DIS3L2: variants seen among roughly 807,000 people sequenced by gnomAD.
The protein encoded by DIS3L2 is DIS3-like exonuclease 2.
Under a neutral mutation model 97.5 loss-of-function variants are expected in DIS3L2, and 34 were observed. That is an observed-to-expected ratio of 0.35 (90% CI 0.27 to 0.46). The LOEUF (loss-of-function observed/expected upper bound fraction) is 0.46. Ranked by LOEUF, DIS3L2 falls within the 20% of genes least tolerant of loss-of-function variation. The pLI is 1.00. For synonymous variants in DIS3L2, 435 were observed against 445.2 expected (o/e 0.98, Z 0.29); for missense variants, 1,038 against 1,146.0 (o/e 0.91, Z 1.36).
intron 1 of DIS3L2, among the ~76,000 whole-genome samples, chr2:231,983,871 A>G (rs1389598102): frequency 6.6e-6 from 1 of 151,202 alleles, no homozygotes; most frequent in African/African-American, 2.4e-5. Context: ...CCTTGGCAAC[A>G]GAGTGAGACT....
chr2:232,287,398 C>CCCCCCG (rs1559193793), intron 13 of DIS3L2, among the ~76,000 whole-genome samples: 2 of 69,070 alleles, frequency 2.9e-5, no homozygotes, highest in Non-Finnish European at 5.7e-5. Context: ...GCCCCCCCCC[C>CCCCCCG]CCCCCGCTTT....
intron 14 of DIS3L2, among the ~76,000 whole-genome samples, chr2:232,316,774 G>T (rs1022280919): frequency 2.0e-5 from 3 of 152,192 alleles, no homozygotes; most frequent in African/African-American, 7.2e-5. Context: ...TTATTGAATT[G>T]TTCTTCTTTA....
At chr2:232,326,072 G>A (rs1311160352) in intron 14 of DIS3L2, among the ~76,000 whole-genome samples, 1 of 152,204 alleles carries the variant, frequency 6.6e-6, no homozygotes, top group African/African-American at 2.4e-5. Context: ...CCAGGAGAGG[G>A]AGGGAGGAGG....
At chr2:232,111,539 G>A (rs1386054162) in intron 6 of DIS3L2, among the ~76,000 whole-genome samples, 3 of 152,114 alleles carry the variant, frequency 2.0e-5, no homozygotes, top group Non-Finnish European at 4.4e-5. Flanking sequence ...ACTTTCTGTA[G>A]CAATGGAAAT....
chr2:232,245,325 T>C (rs992189264), intron 11 of DIS3L2, among the ~76,000 whole-genome samples: 2 of 152,194 alleles, frequency 1.3e-5, no homozygotes, highest in Non-Finnish European at 2.9e-5. Context: ...ATAATGGGAC[T>C]TGGATTTGAG....
intron 8 of DIS3L2, among the ~76,000 whole-genome samples, chr2:232,162,402 G>T (rs1168962230): frequency 1.3e-5 from 2 of 152,212 alleles, no homozygotes; most frequent in Non-Finnish European, 2.9e-5. Context: ...CATTCCAGTG[G>T]CAAGGCTGAA....
intron 9 of DIS3L2, 147 bp from the exon 10 acceptor site, chr2:232,210,179 C>A: frequency 1.7e-6 from 1 of 578,878 alleles, no homozygotes; most frequent in South Asian, 1.8e-5. Context: ...TCACATTTAA[C>A]TAAAGATCTC....
chr2:232,185,960 T>C (rs3116192), intron 9 of DIS3L2, among the ~76,000 whole-genome samples: 140,929 of 152,224 alleles, frequency 0.93, 65,307 homozygotes, highest in East Asian at 1. Context: ...TAGAGAAAAT[T>C]GGTGAAACAA....
At chr2:232,094,718 CA>C (rs59253625) in intron 6 of DIS3L2, among the ~76,000 whole-genome samples, 8 of 111,480 alleles carry the variant, frequency 7.2e-5, no homozygotes, top group Admixed American at 1.0e-4. Flanking sequence ...GACTCCATCT[CA>C]AAAAAAAAAA....
intron 5 of DIS3L2, 91 bp downstream of exon 5, chr2:232,030,171 C>T: frequency 9.2e-7 from 1 of 1,090,294 alleles, no homozygotes. Context: ...CTGGAGGAGT[C>T]ACAGACCCCT....
intron 9 of DIS3L2, among the ~76,000 whole-genome samples, chr2:232,168,699 T>C (rs1690895584): frequency 6.6e-6 from 1 of 152,082 alleles, no homozygotes; most frequent in African/African-American, 2.4e-5. Flanking sequence ...GACCCACACA[T>C]AGTGAGGGTG....
rs1696697025 is a variant in DIS3L2, at chr2:232,087,476, GTTTTC to G, written c.367-7_367-3del. 1.3e-6 allele frequency: 2 copies of G among 1,535,098 alleles called. No homozygotes were observed. The highest frequency in any genetic ancestry group is 2.3e-5 in the East Asian group (1 of 43,202). Reference sequence around the variant, plus strand: ...CTCAGTGATTTAGCAGAATTTTTCTGTTTTCTTTAGGTAGTTAAACCAGAGAGCAA... The same window carrying G: ...CTCAGTGATTTAGCAGAATTTTTCTGTTTAGGTAGTTAAACCAGAGAGCAA... On this transcript the variant is annotated splice_polypyrimidine_tract_variant and splice_region_variant and intron_variant, in intron 5 of 20. Transcript: ENST00000325385.
At chr2:232,192,142 C>T (rs1691633013) in intron 9 of DIS3L2, among the ~76,000 whole-genome samples, 2 of 152,120 alleles carry the variant, frequency 1.3e-5, no homozygotes, top group African/African-American at 4.8e-5. Flanking sequence ...TTTTACTTAT[C>T]TTTTTGTTAA....
downstream of DIS3L2, chr2:232,337,317 G>GTGA (rs1326444585): frequency 7.0e-6 from 3 of 428,562 alleles, no homozygotes; most frequent in African/African-American, 6.4e-5. Context: ...CATGGGTCCT[G>GTGA]TGATACCCCC....
At chr2:232,071,151 G>T (rs1486493116) in intron 5 of DIS3L2, among the ~76,000 whole-genome samples, 1 of 152,082 alleles carries the variant, frequency 6.6e-6, no homozygotes, top group African/African-American at 2.4e-5. Context: ...TTTTTAAAGG[G>T]AGTTAATATA....
At chr2:231,998,137 C>T (rs915515598) in intron 1 of DIS3L2, among the ~76,000 whole-genome samples, 1 of 152,160 alleles carries the variant, frequency 6.6e-6, no homozygotes, top group African/African-American at 2.4e-5. Flanking sequence ...ATTTCTGTTA[C>T]TATAACAGAG....
At chr2:231,988,095 G>C (rs368941604) in intron 1 of DIS3L2, among the ~76,000 whole-genome samples, 1 of 152,146 alleles carries the variant, frequency 6.6e-6, no homozygotes, top group Non-Finnish European at 1.5e-5. Flanking sequence ...CACCTGCCTC[G>C]GCTTCCCAAA....
intron 10 of DIS3L2, among the ~76,000 whole-genome samples, chr2:232,237,543 GGA>G (rs1473411213): frequency 6.6e-6 from 1 of 152,156 alleles, no homozygotes; most frequent in East Asian, 1.9e-4. Context: ...TACATGGTAG[GGA>G]GAGAGACAGA....
intron 10 of DIS3L2, among the ~76,000 whole-genome samples, chr2:232,227,967 A>G (rs921713413): frequency 2.0e-5 from 3 of 151,988 alleles, no homozygotes; most frequent in Non-Finnish European, 2.9e-5. Context: ...TAGAGGGACT[A>G]TTTTTGTTTG....
Sources: gnomAD v4.1 joint callset for allele counts (sites outside exome capture counted in the v4.1 genomes callset) on GRCh38, gnomAD v4.1.1 for gene constraint, MANE v1.5 for transcripts, NCBI Gene and HGNC (gene_info 2026-07-23, HGNC 2026-07-21) for gene names.